Variants in PKD1L1 observed in about 807,000 individuals in gnomAD.
The protein encoded by PKD1L1 is polycystin-1-like protein 1.
In PKD1L1, 236 loss-of-function variants were observed where a neutral mutation model predicts 323.4. The observed-to-expected ratio is 0.73, with a 90% CI of 0.66 to 0.81. The LOEUF (loss-of-function observed/expected upper bound fraction) is 0.81. Among genes scored for constraint, PKD1L1 ranks in the 40% least tolerant of loss-of-function variants. The pLI is 0.00. For missense variants in PKD1L1, 3,320 were observed against 3,508.0 expected, an observed-to-expected ratio of 0.95 and a Z score of 1.35; for synonymous variants, 1,344 against 1,335.0, an observed-to-expected ratio of 1.01 and a Z score of -0.15.
rs779099339 is a variant in PKD1L1 at position 47,843,121 on chromosome 7, A to G, written c.5286T>C (p.Ile1762=). 1 of 1,613,906 alleles carries G rather than the reference A, an allele frequency of 6.2e-7. No homozygotes were observed. The highest frequency in any genetic ancestry group is 8.5e-7 in the Non-Finnish European group (1 of 1,179,872). ...LPSIFIMGSV[I]LYGFLVAKSR... ...TTTTAGCGACCAAAAATCCATAAAG[A>G]ATCACAGAACCCATAATAAAAATAC... The change falls in exon 34 of 57, where the codon ATT becomes ATC. Residue 1762 remains isoleucine (I), a synonymous_variant. Transcript: ENST00000289672.
chr7:47,848,443 A>AG (rs891424598), intron 31 of PKD1L1, among the ~76,000 whole-genome samples: 10 of 152,366 alleles, frequency 6.6e-5, no homozygotes, highest in Admixed American at 2.0e-4. Context: ...GTAAGAAATA[A>AG]GGGGAAATAA....
At chr7:47,891,961 C>T (rs1220993577) in intron 15 of PKD1L1, among the ~76,000 whole-genome samples, 1 of 152,204 alleles carries the variant, frequency 6.6e-6, no homozygotes, top group East Asian at 1.9e-4. Context: ...GCAAATTCCA[C>T]ACCTGGAATA....
intron 50 of PKD1L1, among the ~76,000 whole-genome samples, chr7:47,811,258 A>G (rs565923247): frequency 6.6e-6 from 1 of 151,666 alleles, no homozygotes; most frequent in East Asian, 1.9e-4. Flanking sequence ...GGTTCAAGAA[A>G]TTCTCCCGCC....
At chr7:47,949,176 C>G (rs1291410682), upstream of PKD1L1, among the ~76,000 whole-genome samples, 2 of 151,908 alleles carry the variant, frequency 1.3e-5, no homozygotes, top group African/African-American at 4.8e-5. Context: ...CGAGACCAGC[C>G]TGGCCAGCAT....
chr7:47,948,646 A>G (rs1444286247), upstream of PKD1L1, among the ~76,000 whole-genome samples: 1 of 152,220 alleles, frequency 6.6e-6, no homozygotes, highest in Non-Finnish European at 1.5e-5. Context: ...TAACACTGTC[A>G]GACAAATTCC....
At chr7:47,794,815 T>C (rs944213386) in intron 55 of PKD1L1, among the ~76,000 whole-genome samples, 1 of 152,146 alleles carries the variant, frequency 6.6e-6, no homozygotes, top group Non-Finnish European at 1.5e-5. Flanking sequence ...ATCACCTACA[T>C]GTGAGCCCTG....
intron 16 of PKD1L1, 142 bp downstream of exon 16, chr7:47,890,400 C>A: frequency 1.2e-6 from 1 of 803,344 alleles, no homozygotes; most frequent in Non-Finnish European, 2.0e-6. Flanking sequence ...GAACAGTCTT[C>A]TCCTCCTCCT....
intron 24 of PKD1L1, among the ~76,000 whole-genome samples, chr7:47,867,225 A>T (rs565017145): frequency 1.3e-5 from 2 of 152,338 alleles, no homozygotes; most frequent in African/African-American, 4.8e-5. Context: ...TCATGTTCTA[A>T]TTGATTAGAA....
At chr7:47,896,542 T>G (rs539197875) in intron 14 of PKD1L1, among the ~76,000 whole-genome samples, 3,391 of 151,912 alleles carry the variant, frequency 0.022, 135 homozygotes, top group African/African-American at 0.077. Context: ...TTTAGTTGTT[T>G]GGGGGGGACT....
chr7:47,905,281 C>T lies in PKD1L1; in HGVS notation c.1567G>A (p.Asp523Asn), dbSNP rs756832466. ...TTGGTAACAGCTGTAAATGTAATGT[C>T]TGTGTCTGTGGCAAACACAGTTCCA... is the stretch of plus-strand genomic sequence containing the variant. ...TNGTVFATDT[D>N]ITFTAVTKET... The change falls in exon 11 of 57, where the codon GAC (aspartate) becomes AAC (asparagine). Residue 523 changes from aspartate (D) to asparagine (N), a missense_variant. Coordinates refer to ENST00000289672, the MANE Select transcript of PKD1L1 (RefSeq NM_138295.5). 7.4e-6 allele frequency: 12 copies of T among 1,614,144 alleles called. No homozygotes were observed. The highest frequency in any genetic ancestry group is 9.3e-6 in the Non-Finnish European group (11 of 1,180,026).
At chr7:47,891,972 C>T (rs1455933985) in intron 15 of PKD1L1, among the ~76,000 whole-genome samples, 6 of 152,192 alleles carry the variant, frequency 3.9e-5, no homozygotes, top group African/African-American at 1.2e-4. Flanking sequence ...ACCTGGAATA[C>T]AGCAAATATG....
chr7:47,948,260 G>A, intron 1 of PKD1L1, 137 bp downstream of exon 1: 2 of 983,550 alleles, frequency 2.0e-6, no homozygotes, highest in East Asian at 2.4e-5. Flanking sequence ...CCGGCCAAAT[G>A]CACCCTCCTG....
chr7:47,870,217 T>C (rs6955234), intron 24 of PKD1L1, among the ~76,000 whole-genome samples: 48,796 of 150,820 alleles, frequency 0.32, 8,396 homozygotes, highest in African/African-American at 0.43. Flanking sequence ...CCAGAGCAAG[T>C]ACAAGGCGGG....
intron 24 of PKD1L1, among the ~76,000 whole-genome samples, chr7:47,869,720 A>C (rs896187896): frequency 1.3e-5 from 2 of 152,200 alleles, no homozygotes; most frequent in East Asian, 3.8e-4. Flanking sequence ...GACTCAAACA[A>C]TAATATAAAT....
intron 7 of PKD1L1, among the ~76,000 whole-genome samples, chr7:47,922,791 G>A (rs1318703143): frequency 1.3e-5 from 2 of 152,222 alleles, no homozygotes; most frequent in East Asian, 3.9e-4. Context: ...CCCCATCTGG[G>A]AAGTGGGGAG....
At chr7:47,924,447 T>C (rs1787618827) in intron 7 of PKD1L1, among the ~76,000 whole-genome samples, 1 of 152,144 alleles carries the variant, frequency 6.6e-6, no homozygotes, top group African/African-American at 2.4e-5. Context: ...TTCACAATAG[T>C]GATGTTATTT....
At chr7:47,862,121 G>A (rs1052074939) in intron 26 of PKD1L1, among the ~76,000 whole-genome samples, 3 of 151,776 alleles carry the variant, frequency 2.0e-5, no homozygotes, top group South Asian at 2.1e-4. Flanking sequence ...CTTGAACCCG[G>A]AAGGCAGAGG....
chr7:47,898,332 G>C, intron 13 of PKD1L1, 138 bp from the exon 14 acceptor site: 1 of 690,060 alleles, frequency 1.4e-6, no homozygotes, highest in Non-Finnish European at 2.4e-6. Context: ...TCTTAGGTCT[G>C]GGCTTTAGAC....
intron 31 of PKD1L1, among the ~76,000 whole-genome samples, chr7:47,850,413 C>A (rs1451097548): frequency 6.6e-6 from 1 of 152,030 alleles, no homozygotes; most frequent in Non-Finnish European, 1.5e-5. Context: ...GGATGGATGA[C>A]CCGAGGTCAG....
Sources: allele counts gnomAD v4.1 joint callset (sites outside exome capture counted in the v4.1 genomes callset), GRCh38; gene constraint gnomAD v4.1.1; transcripts MANE v1.5; gene names NCBI Gene and HGNC (gene_info 2026-07-23, HGNC 2026-07-21).